SESN1: variants seen among roughly 807,000 people sequenced by gnomAD.
The protein encoded by SESN1 is sestrin 1, also known as sestrin-1.
SESN1 carries 30 observed loss-of-function variants against 59.3 expected under a neutral mutation model. The observed-to-expected ratio is 0.51, with a 90% CI of 0.38 to 0.69. SESN1 has a LOEUF of 0.69. Among genes scored for constraint, SESN1 ranks in the 30% least tolerant of loss-of-function variants. SESN1 has a pLI of 0.00. For synonymous variants in SESN1, 197 were observed against 219.9 expected (o/e 0.90, Z 0.92); for missense variants, 566 against 673.0 (o/e 0.84, Z 1.76).
chr6:109,007,917 G>T (rs1297163044), intron 1 of SESN1, among the ~76,000 whole-genome samples: 1 of 150,634 alleles, frequency 6.6e-6, no homozygotes. Context: ...TCCGTTTCTT[G>T]AAAGTGTTTA....
At chr6:109,023,881 G>A (rs1044225737) in intron 1 of SESN1, among the ~76,000 whole-genome samples, 1 of 152,102 alleles carries the variant, frequency 6.6e-6, no homozygotes, top group Non-Finnish European at 1.5e-5. Context: ...TAAAGCATAA[G>A]AGAATATTGT....
chr6:109,012,426 TGCCTCTACATC>T (rs1779874493), intron 1 of SESN1, among the ~76,000 whole-genome samples: 2 of 152,192 alleles, frequency 1.3e-5, no homozygotes, highest in African/African-American at 2.4e-5. Flanking sequence ...TGAGGTTCAT[TGCCTCTACATC>T]TGTCCTTAGC....
At chr6:108,989,908 T>C (rs1388267770) in intron 8 of SESN1, among the ~76,000 whole-genome samples, 9 of 152,148 alleles carry the variant, frequency 5.9e-5, no homozygotes, top group Non-Finnish European at 1.3e-4. Context: ...TCTACCACCA[T>C]TGAGGAGGCT....
chr6:109,022,996 C>T (rs1780036028), intron 1 of SESN1, among the ~76,000 whole-genome samples: 1 of 152,172 alleles, frequency 6.6e-6, no homozygotes, highest in Admixed American at 6.5e-5. Context: ...CTCCTGTCTT[C>T]CCCTGCACTA....
chr6:109,085,515 T>TCACACACACA lies in SESN1; in HGVS notation c.279+8270_279+8279dup, dbSNP rs59793015. Among the ~76,000 whole-genome samples the TCACACACACA allele has an allele frequency of 2.5e-3, 372 of 148,510 alleles. 2 individuals are homozygous for TCACACACACA. Among genetic ancestry groups the TCACACACACA allele is most frequent in the African/African-American group, 8.7e-3 (353 of 40,426 alleles). ...GCCTAGGTGACAGAGTGACACTCCG[T>TCACACACACA]CACACACACACACACACACACACAC... On this transcript the variant is annotated intron_variant, in intron 1 of 9. Transcript: ENST00000436639.
chr6:109,004,754 A>C (rs1406593166), intron 1 of SESN1, among the ~76,000 whole-genome samples: 1 of 148,642 alleles, frequency 6.7e-6, no homozygotes, highest in Non-Finnish European at 1.5e-5. Context: ...AAAATGAGCA[A>C]ACAACACAGT....
chr6:109,009,179 G>A (rs1779802825), intron 1 of SESN1, among the ~76,000 whole-genome samples: 1 of 152,208 alleles, frequency 6.6e-6, no homozygotes, highest in Non-Finnish European at 1.5e-5. Flanking sequence ...TTCCCCCGAG[G>A]GGCGCAGGAG....
intron 1 of SESN1, among the ~76,000 whole-genome samples, chr6:109,067,676 A>G (rs1780858416): frequency 6.6e-6 from 1 of 152,270 alleles, no homozygotes; most frequent in Non-Finnish European, 1.5e-5. Context: ...TATTCACAAG[A>G]GCAATTTATT....
intron 1 of SESN1, among the ~76,000 whole-genome samples, chr6:109,041,828 A>G (rs1344220394): frequency 2.6e-5 from 4 of 152,208 alleles, no homozygotes; most frequent in Admixed American, 6.5e-5. Flanking sequence ...AGAGGAACTC[A>G]ACAATATTAT....
chr6:109,055,679 A>G (rs571858714), intron 1 of SESN1, among the ~76,000 whole-genome samples: 37 of 151,116 alleles, frequency 2.4e-4, no homozygotes, highest in South Asian at 1.5e-3. Flanking sequence ...AAAAAAAAAA[A>G]AAAGAAAGAA....
intron 1 of SESN1, among the ~76,000 whole-genome samples, chr6:109,039,438 T>C (rs574842160): frequency 6.6e-6 from 1 of 152,346 alleles, no homozygotes; most frequent in East Asian, 1.9e-4. Flanking sequence ...CATCATTGTA[T>C]TTCACGATTT....
intron 1 of SESN1, among the ~76,000 whole-genome samples, chr6:109,046,352 C>T (rs1300002001): frequency 6.5e-4 from 99 of 151,844 alleles, no homozygotes; most frequent in African/African-American, 2.2e-3. Flanking sequence ...CCCGAGGTGC[C>T]GGGATTGCAG....
intron 1 of SESN1, among the ~76,000 whole-genome samples, chr6:109,031,158 G>A (rs952747215): frequency 2.0e-5 from 3 of 152,210 alleles, no homozygotes; most frequent in African/African-American, 7.2e-5. Context: ...ATGAACTCAA[G>A]AGACAGTTAA....
intron 1 of SESN1, among the ~76,000 whole-genome samples, chr6:109,063,536 C>A (rs189057416): frequency 3.3e-5 from 5 of 152,320 alleles, no homozygotes; most frequent in Admixed American, 2.6e-4. Flanking sequence ...CTCATCCCAA[C>A]TGAGAACTCA....
intron 1 of SESN1, among the ~76,000 whole-genome samples, chr6:109,015,372 A>G (rs571199831): frequency 1.6e-4 from 25 of 152,318 alleles, no homozygotes; most frequent in African/African-American, 5.3e-4. Context: ...AAGAGCATGT[A>G]TGGATCACTT....
rs1337798961 is a variant in SESN1, at chr6:108,985,464, CTG to C, written c.*2078_*2079del. On this transcript the variant is annotated 3_prime_UTR_variant, in exon 10 of 10. Coordinates refer to ENST00000436639, the MANE Select transcript of SESN1 (RefSeq NM_014454.3). ...AGATTATATAGTAACATTAGAAATC[CTG>C]TGTGTTTAGTTTTGAGAAAACACTC... Among the ~76,000 whole-genome samples the C allele has an allele frequency of 6.6e-6, 1 of 152,156 alleles. No individual in the cohort carries two copies. The highest frequency in any genetic ancestry group is 2.4e-5 in the African/African-American group (1 of 41,432).
chr6:109,042,133 G>A (rs943792941), intron 1 of SESN1, among the ~76,000 whole-genome samples: 1 of 151,986 alleles, frequency 6.6e-6, no homozygotes, highest in African/African-American at 2.4e-5. Flanking sequence ...GTATCGGGGA[G>A]ATTTAAAAAA....
At chr6:109,001,996 CA>C (rs1779634807) in intron 2 of SESN1, among the ~76,000 whole-genome samples, 1 of 151,552 alleles carries the variant, frequency 6.6e-6, no homozygotes, top group African/African-American at 2.4e-5. Flanking sequence ...CACACCTAAA[CA>C]ACATCTAAAT....
intron 1 of SESN1, among the ~76,000 whole-genome samples, chr6:109,041,475 A>G (rs1241182036): frequency 1.3e-5 from 2 of 152,328 alleles, no homozygotes; most frequent in East Asian, 3.9e-4. Flanking sequence ...GATTTTGAGG[A>G]CAATGAAAAA....
Sources: gnomAD v4.1 joint callset for allele counts (sites outside exome capture counted in the v4.1 genomes callset) on GRCh38, gnomAD v4.1.1 for gene constraint, MANE v1.5 for transcripts, NCBI Gene and HGNC (gene_info 2026-07-23, HGNC 2026-07-21) for gene names.